N4BP3: variants seen among roughly 807,000 people sequenced by gnomAD.
N4BP3 encodes the protein NEDD4-binding protein 3.
In N4BP3, 33 loss-of-function variants were observed where a neutral mutation model predicts 43.8. The ratio of observed to expected loss-of-function variants is 0.75; its 90% CI spans 0.57 to 1.01. The LOEUF (loss-of-function observed/expected upper bound fraction) is 1.01. Among genes scored for constraint, N4BP3 ranks in the 50% least tolerant of loss-of-function variants. The pLI is 0.00. For synonymous variants in N4BP3, 326 were observed against 321.9 expected (o/e 1.01, Z -0.14); for missense variants, 756 against 744.2 (o/e 1.02, Z -0.18).
rs1333096649 is a variant in N4BP3 at position 178,121,609 on chromosome 5, C to G, written c.1243C>G (p.Gln415Glu). The change falls in exon 5 of 5, where the codon CAG becomes GAG. Residue 415 changes from glutamine (Q) to glutamate (E), a missense_variant. Physicochemically the swap from Gln to Glu is conservative, Grantham distance 29. Coordinates refer to ENST00000274605, the MANE Select transcript of N4BP3 (RefSeq NM_015111.2). ...GGGCAGCCGGGCACAAGCCCAGGCT[C>G]AGGACGCAGAGCTGGTCCGGCTGCG... ...LRGSRAQAQA[Q>E]DAELVRLREA... 3 of 1,613,136 alleles carry G rather than the reference C, an allele frequency of 1.9e-6. No individual in the cohort carries two copies. The highest frequency in any genetic ancestry group is 2.5e-6 in the Non-Finnish European group (3 of 1,179,954).
intron 1 of N4BP3, among the ~76,000 whole-genome samples, chr5:178,116,758 C>T (rs889888452): frequency 1.3e-5 from 2 of 152,124 alleles, no homozygotes; most frequent in African/African-American, 2.4e-5. Flanking sequence ...ACCTGGGGGT[C>T]GGTTATCTCC....
At chr5:178,119,292 G>A (rs914335829) in intron 1 of N4BP3, among the ~76,000 whole-genome samples, 5 of 152,186 alleles carry the variant, frequency 3.3e-5, no homozygotes, top group Non-Finnish European at 5.9e-5. Flanking sequence ...CTGGCCCTTC[G>A]GTGCTCGGCT....
At position 178,121,279 on chromosome 5, in the gene N4BP3, C is replaced by T. The variant is rs767083843; in HGVS notation, c.1034C>T (p.Pro345Leu). Residue 345 changes from proline to leucine, a missense_variant, in exon 4 of 5, where the codon CCG becomes CTG. Transcript: ENST00000274605. The stretch of plus-strand genomic sequence containing the variant: ...CTGCGGGCTCAGCAGGGCCTGGCTC[C>T]GGAGCCTCGGGCCCCCGGCACCCTC... ...KELRAQQGLA[P>L]EPRAPGTLPE... 1.6e-5 allele frequency: 25 copies of T among 1,605,958 alleles called. No homozygotes were observed. The highest frequency in any genetic ancestry group is 1.3e-4 in the Admixed American group (8 of 59,454).
chr5:178,116,952 G>A (rs747780400), intron 1 of N4BP3, among the ~76,000 whole-genome samples: 2 of 152,174 alleles, frequency 1.3e-5, no homozygotes, highest in Non-Finnish European at 2.9e-5. Context: ...CCGGGCAGGC[G>A]GGGTCTTTCC....
In N4BP3 at chr5:178,120,508, T is replaced by A; in HGVS notation, c.661T>A (p.Ser221Thr). The A allele has an allele frequency of 6.2e-7, 1 of 1,612,960 alleles. No homozygotes were observed. The highest frequency in any genetic ancestry group is 8.5e-7 in the Non-Finnish European group (1 of 1,179,998). The change falls in exon 3 of 5, where the codon TCC (serine) becomes ACC (threonine). Residue 221 changes from serine to threonine, a missense_variant. Coordinates refer to ENST00000274605, the MANE Select transcript of N4BP3 (RefSeq NM_015111.2). ...SLGHLNHLGG[S>T]LDRASQGPKE... ...TGGCCACCTTAACCACCTCGGGGGC[T>A]CCCTGGACCGGGCCTCTCAAGGACC...
Position 178,123,058 on chromosome 5 carries a change from C to T in N4BP3, c.*1057C>T, listed in dbSNP as rs965874884. 6.6e-6 allele frequency: 1 copy of T among 152,372 alleles called. No individual in the cohort carries two copies. The highest frequency in any genetic ancestry group is 1.5e-5 in the Non-Finnish European group (1 of 68,148). The allele number at this position is 152,372 out of a possible 1,614,324, so 9.4% of individuals were successfully genotyped here. ...ATTCCCCACCCCACCTTGCCTCTGT[C>T]CTGCGCTGGGCTCCAGGACGGTCAG... On this transcript the variant is annotated 3_prime_UTR_variant, in exon 5 of 5. Coordinates refer to ENST00000274605, the MANE Select transcript of N4BP3 (RefSeq NM_015111.2).
rs769030882 is a variant in N4BP3 at position 178,119,786 on chromosome 5, G to A, written c.203G>A (p.Ser68Asn). 16 of 1,613,472 alleles carry A rather than the reference G, an allele frequency of 9.9e-6. No homozygotes were observed. Among genetic ancestry groups the A allele is most frequent in the Non-Finnish European group, 1.2e-5 (14 of 1,180,038 alleles). The change falls in exon 2 of 5, where the codon AGC becomes AAC. Residue 68 changes from serine (S) to asparagine (N), a missense_variant. By Grantham distance (46) the Ser-to-Asn change is conservative. Coordinates refer to ENST00000274605, the MANE Select transcript of N4BP3 (RefSeq NM_015111.2). ...YLHLPKKDSK[S>N]TKNTKRAPRN... Reference sequence around the variant, plus strand: ...CACCTCCCCAAGAAGGACAGCAAGAGCACCAAGAACACCAAGCGGGCCCCT... The same window carrying A: ...CACCTCCCCAAGAAGGACAGCAAGAACACCAAGAACACCAAGCGGGCCCCT...
chr5:178,119,530 CT>C (rs1208774031), intron 1 of N4BP3, 23 bp from the exon 2 acceptor site: 19 of 1,494,794 alleles, frequency 1.3e-5, no homozygotes, highest in Non-Finnish European at 1.5e-5. Flanking sequence ...TCACCTGCCC[CT>C]AATGGAGCCT....
Position 178,125,993 on chromosome 5 carries a change from AAAT to A in N4BP3, c.*3996_*3998del, listed in dbSNP as rs1164537831. The A allele has an allele frequency of 6.6e-6, 1 of 151,792 alleles. No homozygotes were observed. Among genetic ancestry groups the A allele is most frequent in the African/African-American group, 2.4e-5 (1 of 41,270 alleles). The allele number at this position is 151,792 out of a possible 1,614,324, so 9.4% of individuals were successfully genotyped here. On this transcript the variant is annotated 3_prime_UTR_variant, in exon 5 of 5. Transcript: ENST00000274605. ...CAAGAAAAATACGACATTGGTGTAA[AAAT>A]AATCTACACCTCATGGAAAGAATGA... is the stretch of plus-strand genomic sequence containing the variant.
intron 1 of N4BP3, among the ~76,000 whole-genome samples, chr5:178,117,834 G>A (rs1757808791): frequency 6.6e-6 from 1 of 152,086 alleles, no homozygotes; most frequent in Non-Finnish European, 1.5e-5. Context: ...TTGGTTGGGG[G>A]AGAGCTGAGG....
rs746058537 is a variant in N4BP3, at chr5:178,119,671, C to T, written c.88C>T (p.Arg30Trp). ...ERQDFSPEEL[R>W]AALAGSRGSR... ...GCAGGACTTCTCCCCTGAAGAGCTGCGGGCGGCACTTGCCGGGTCTCGGGG... is the reference window on the plus strand; with the variant it reads ...GCAGGACTTCTCCCCTGAAGAGCTGTGGGCGGCACTTGCCGGGTCTCGGGG... The change falls in exon 2 of 5, where the codon CGG becomes TGG. Residue 30 changes from arginine (R) to tryptophan (W), a missense_variant. By Grantham distance (101) the Arg-to-Trp change is moderately radical (BLOSUM62 -3). Coordinates refer to ENST00000274605, the MANE Select transcript of N4BP3 (RefSeq NM_015111.2). 12 of 1,608,096 alleles carry T rather than the reference C, an allele frequency of 7.5e-6. No individual in the cohort carries two copies. In the African/African-American group the frequency reaches 1.1e-4, roughly 14 times the overall value.
At chr5:178,126,516 T>G (rs1758068427), downstream of N4BP3, among the ~76,000 whole-genome samples, 1 of 152,154 alleles carries the variant, frequency 6.6e-6, no homozygotes, top group South Asian at 2.1e-4. Flanking sequence ...AAAAATCCTA[T>G]CCTAGGAAAT....
At chr5:178,114,569 C>A (rs1441373893) in intron 1 of N4BP3, among the ~76,000 whole-genome samples, 1 of 152,228 alleles carries the variant, frequency 6.6e-6, no homozygotes. Flanking sequence ...CCCCCCGACC[C>A]CAACCACATA....
Position 178,122,232 on chromosome 5 carries a change from T to G in N4BP3, c.*231T>G. ...GCACCTAGGCAGGGCCCAGCCCTGCTTCCTGGAGTGGATGTGGCCCAGAGA... is the reference window on the plus strand; with the variant it reads ...GCACCTAGGCAGGGCCCAGCCCTGCGTCCTGGAGTGGATGTGGCCCAGAGA... On this transcript the variant is annotated 3_prime_UTR_variant, in exon 5 of 5. Transcript: ENST00000274605. 1.9e-6 allele frequency: 1 copy of G among 516,092 alleles called. No individual in the cohort carries two copies. Among genetic ancestry groups the G allele is most frequent in the Non-Finnish European group, 3.4e-6 (1 of 296,016 alleles). The allele number at this position is 516,092 out of a possible 1,614,324, so 32.0% of individuals were successfully genotyped here. A position where few individuals can be genotyped will look rare whatever the true frequency, so the allele number is the denominator to read the frequency against.
chr5:178,118,528 G>C lies in N4BP3; in HGVS notation c.-30-1026G>C, dbSNP rs369174627. Among the ~76,000 whole-genome samples the C allele has an allele frequency of 6.4e-4, 97 of 152,308 alleles. No individual in the cohort carries two copies. Among genetic ancestry groups the C allele is most frequent in the African/African-American group, 2.3e-3 (96 of 41,564 alleles). On this transcript the variant is annotated intron_variant, in intron 1 of 4. Coordinates refer to ENST00000274605, the MANE Select transcript of N4BP3 (RefSeq NM_015111.2). This position sits in a 1 kb window ranked among gnomAD's most constrained non-coding sequence, Gnocchi z 5.4. ...GGAATAAGAGCATATACAGGGGCTG[G>C]AGTGAGTCCAGCTGCCCCTTCCCTC...
intron 2 of N4BP3, 63 bp from the exon 3 acceptor site, chr5:178,120,115 G>A: frequency 6.6e-7 from 1 of 1,517,930 alleles, no homozygotes; most frequent in Non-Finnish European, 8.8e-7. Flanking sequence ...GAGAGCATCA[G>A]GAGGTAGAGC....
Position 178,118,026 on chromosome 5 carries a change from T to A in N4BP3, c.-30-1528T>A, listed in dbSNP as rs536004381. On this transcript the variant is annotated intron_variant, in intron 1 of 4. Coordinates refer to ENST00000274605, the MANE Select transcript of N4BP3 (RefSeq NM_015111.2). This position sits in a 1 kb window ranked among gnomAD's most constrained non-coding sequence, Gnocchi z 5.4. ...TGGGTGGTAGTAGGGGACCCACAGC[T>A]GCAGCTGGCCTGCTGGGCTTCTGTT... Among the ~76,000 whole-genome samples the A allele has an allele frequency of 1.2e-4, 18 of 152,298 alleles. No homozygotes were observed. In the South Asian group the frequency reaches 3.3e-3, roughly 28 times the overall value.
intron 1 of N4BP3, among the ~76,000 whole-genome samples, chr5:178,115,347 C>T (rs114798194): frequency 2.0e-5 from 3 of 152,152 alleles, no homozygotes; most frequent in Non-Finnish European, 4.4e-5. Flanking sequence ...TACTACCCCC[C>T]CCTTTTGGAG....
rs747491893 is a variant in N4BP3, at chr5:178,124,725, C to G, written c.*2724C>G. ...CAGGCTTCTGACACACTAGTGGCCTCGAGTCACTGATAGTGGTGCCTCCTC... is the reference window on the plus strand; with the variant it reads ...CAGGCTTCTGACACACTAGTGGCCTGGAGTCACTGATAGTGGTGCCTCCTC... On this transcript the variant is annotated 3_prime_UTR_variant, in exon 5 of 5. Coordinates refer to ENST00000274605, the MANE Select transcript of N4BP3 (RefSeq NM_015111.2). 6.5e-6 allele frequency: 1 copy of G among 152,680 alleles called. No individual in the cohort carries two copies. Among genetic ancestry groups the G allele is most frequent in the Non-Finnish European group, 1.5e-5 (1 of 68,436 alleles). The allele number at this position is 152,680 out of a possible 1,614,324, so 9.5% of individuals were successfully genotyped here.
Sources: allele counts gnomAD v4.1 joint callset (sites outside exome capture counted in the v4.1 genomes callset), GRCh38; gene constraint gnomAD v4.1.1; non-coding constraint Gnocchi (gnomAD v3.1); transcripts MANE v1.5; gene names NCBI Gene and HGNC (gene_info 2026-07-23, HGNC 2026-07-21).